Variants in NUP133 observed in about 807,000 individuals in gnomAD.
NUP133 encodes the protein nuclear pore complex protein Nup133.
In NUP133, 66 loss-of-function variants were observed where a neutral mutation model predicts 146.2. That is an observed-to-expected ratio of 0.45 (90% CI 0.37 to 0.55). The LOEUF (loss-of-function observed/expected upper bound fraction) is 0.55, where lower values mean the gene tolerates loss of function less well. Among genes scored for constraint, NUP133 ranks in the 20% least tolerant of loss-of-function variants. The pLI is 0.00. For synonymous variants in NUP133, 521 were observed against 498.8 expected (o/e 1.04, Z -0.59); for missense variants, 1,277 against 1,374.8 (o/e 0.93, Z 1.12).
chr1:229,441,413 A>G lies in NUP133; in HGVS notation c.*491T>C, dbSNP rs1230445466. Reference sequence around the variant, plus strand: ...CCACTCTCCTTTGGTTTTTCATCTCATAATAAGTCAGCAAAAGTTGACATT... The same window carrying G: ...CCACTCTCCTTTGGTTTTTCATCTCGTAATAAGTCAGCAAAAGTTGACATT... On this transcript the variant is annotated 3_prime_UTR_variant, in exon 26 of 26. Transcript: ENST00000261396. 3 of 532,450 alleles carry G rather than the reference A, an allele frequency of 5.6e-6. No homozygotes were observed. In the African/African-American group the frequency reaches 5.8e-5, roughly 10 times the overall value. The allele number at this position is 532,450 out of a possible 1,614,324, so 33.0% of individuals were successfully genotyped here.
At chr1:229,446,725 C>T (rs1660310676) in intron 24 of NUP133, among the ~76,000 whole-genome samples, 1 of 146,732 alleles carries the variant, frequency 6.8e-6, no homozygotes, top group South Asian at 2.2e-4. Flanking sequence ...CACAGCCAGA[C>T]TCCATCTCAA....
rs765777721 is a variant in NUP133 at position 229,477,636 on chromosome 1, G to T, written c.1717C>A (p.Pro573Thr). ...QISVDLMDDY[P>T]ASDPRWAESV... The stretch of plus-strand genomic sequence containing the variant: ...TCAGCCCACCGTGGGTCAGATGCTG[G>T]GTAGTCATCCATCAGGTCTACACTG... Residue 573 changes from proline to threonine, a missense_variant, in exon 13 of 26, where the codon CCA (proline) becomes ACA (threonine). By Grantham distance (38) the Pro-to-Thr change is conservative. Coordinates refer to ENST00000261396, the MANE Select transcript of NUP133 (RefSeq NM_018230.3). 6.2e-7 allele frequency: 1 copy of T among 1,613,634 alleles called. No homozygotes were observed. Among genetic ancestry groups the T allele is most frequent in the Non-Finnish European group, 8.5e-7 (1 of 1,179,746 alleles).
At chr1:229,446,851 G>A (rs960313316) in intron 24 of NUP133, among the ~76,000 whole-genome samples, 1 of 152,134 alleles carries the variant, frequency 6.6e-6, no homozygotes, top group African/African-American at 2.4e-5. Flanking sequence ...ATGTGGCCGG[G>A]CATGGTGGCT....
chr1:229,455,685 T>C (rs541202769), intron 21 of NUP133, among the ~76,000 whole-genome samples: 12 of 152,284 alleles, frequency 7.9e-5, no homozygotes, highest in Non-Finnish European at 1.0e-4. Context: ...CTCTGTCCCT[T>C]TTGCTTTCTC....
At chr1:229,480,914 C>T (rs1483718775) in intron 12 of NUP133, among the ~76,000 whole-genome samples, 6 of 149,354 alleles carry the variant, frequency 4.0e-5, no homozygotes, top group Admixed American at 1.3e-4. Flanking sequence ...AGGCTGGTCT[C>T]GAAGTCCTGA....
chr1:229,475,366 A>C (rs1661051665), intron 14 of NUP133, among the ~76,000 whole-genome samples: 2 of 152,230 alleles, frequency 1.3e-5, no homozygotes, highest in East Asian at 3.8e-4. Flanking sequence ...AGTCATACAT[A>C]AAAATCTGTC....
chr1:229,467,786 G>T (rs565645116), intron 15 of NUP133, among the ~76,000 whole-genome samples: 2 of 151,952 alleles, frequency 1.3e-5, no homozygotes, highest in East Asian at 1.9e-4. Context: ...TTAGCTGGGC[G>T]TCGTGGCGTG....
intron 8 of NUP133, among the ~76,000 whole-genome samples, chr1:229,493,452 T>C (rs950995425): frequency 6.6e-6 from 1 of 152,190 alleles, no homozygotes; most frequent in Non-Finnish European, 1.5e-5. Context: ...AGTGCTGGGA[T>C]TATATGCGTG....
intron 24 of NUP133, among the ~76,000 whole-genome samples, chr1:229,446,371 T>C (rs1214331543): frequency 6.6e-6 from 1 of 151,746 alleles, no homozygotes; most frequent in African/African-American, 2.4e-5. Flanking sequence ...ATTGAGCCAC[T>C]GCACTCCAGC....
At chr1:229,497,512 T>C (rs183386426) in intron 6 of NUP133, among the ~76,000 whole-genome samples, 231 of 152,300 alleles carry the variant, frequency 1.5e-3, no homozygotes, top group African/African-American at 5.0e-3. Flanking sequence ...AAAAAGAGCA[T>C]GTTCTTTAAA....
intron 3 of NUP133, 76 bp from the exon 4 acceptor site, chr1:229,500,939 T>C: frequency 1.2e-6 from 1 of 854,080 alleles, no homozygotes; most frequent in Non-Finnish European, 1.9e-6. Context: ...TTCCCTTCTC[T>C]GCATATTTTA....
At chr1:229,463,033 T>C (rs532032015) in intron 19 of NUP133, among the ~76,000 whole-genome samples, 1 of 152,210 alleles carries the variant, frequency 6.6e-6, no homozygotes, top group African/African-American at 2.4e-5. Context: ...CTAGAAAATA[T>C]ATAAACAGAA....
In NUP133 at chr1:229,441,542, A is replaced by T; in HGVS notation, c.*362T>A. The T allele has an allele frequency of 2.1e-6, 1 of 482,720 alleles. No homozygotes were observed. Among genetic ancestry groups the T allele is most frequent in the Non-Finnish European group, 4.3e-6 (1 of 235,206 alleles). The allele number at this position is 482,720 out of a possible 1,614,324, so 29.9% of individuals were successfully genotyped here. ...TGGAGTCACAGCAATTTTAGAGACA[A>T]GCTAGTGCAATCTAGTAATTTTCAT... On this transcript the variant is annotated 3_prime_UTR_variant, in exon 26 of 26. Transcript: ENST00000261396.
chr1:229,471,988 C>T (rs537587955), intron 14 of NUP133, among the ~76,000 whole-genome samples: 2 of 152,200 alleles, frequency 1.3e-5, no homozygotes, highest in South Asian at 4.1e-4. Flanking sequence ...ATGGTCTTTC[C>T]TGACTTGAAT....
chr1:229,458,355 A>C (rs1166926145), intron 20 of NUP133, 59 bp from the exon 21 acceptor site: 1 of 1,557,064 alleles, frequency 6.4e-7, no homozygotes, highest in East Asian at 2.3e-5. Flanking sequence ...GCTGAAACAA[A>C]GGTAAGTAAA....
chr1:229,452,393 T>C, intron 22 of NUP133, 132 bp downstream of exon 22: 1 of 585,566 alleles, frequency 1.7e-6, no homozygotes, highest in Middle Eastern at 3.2e-4. Context: ...AAACAACGTT[T>C]TTCTAGGGGA....
chr1:229,448,474 C>G (rs1376058090), intron 24 of NUP133, among the ~76,000 whole-genome samples: 1 of 152,066 alleles, frequency 6.6e-6, no homozygotes, highest in African/African-American at 2.4e-5. Context: ...GAGGAACCCT[C>G]AGTTCTGGGA....
chr1:229,503,896 T>G (rs1047598416), intron 2 of NUP133, among the ~76,000 whole-genome samples: 27 of 152,308 alleles, frequency 1.8e-4, no homozygotes, highest in African/African-American at 5.1e-4. Flanking sequence ...TTTAATCTAG[T>G]CTGTTAAAAT....
chr1:229,470,683 G>T lies in NUP133; in HGVS notation c.1973C>A (p.Ser658Tyr), dbSNP rs761735982. 1 of 1,614,186 alleles carries T rather than the reference G, an allele frequency of 6.2e-7. No homozygotes were observed. The highest frequency in any genetic ancestry group is 1.1e-5 in the South Asian group (1 of 91,078). ...TGTGTTGACAAGGTCAGAAAGCCGG[G>T]AGTGGTGGTTCTTGAGAACAATGGC... ...SAAIVLKNHHSRLSDLVNTAI... is the reference protein window; with the variant it reads ...SAAIVLKNHHYRLSDLVNTAI... The change falls in exon 15 of 26, where the codon TCC becomes TAC. Residue 658 changes from serine to tyrosine, a missense_variant. Ser to Tyr is a moderately radical substitution (Grantham distance 144). Around this residue, in one of 3 missense-constraint regions of NUP133, gnomAD observed 952 missense variants for 1,047.0 expected, o/e 0.91. Transcript: ENST00000261396.
Sources: allele counts gnomAD v4.1 joint callset (sites outside exome capture counted in the v4.1 genomes callset), GRCh38; gene constraint gnomAD v4.1.1; regional missense constraint gnomAD v4.1.1; transcripts MANE v1.5; gene names NCBI Gene and HGNC (gene_info 2026-07-23, HGNC 2026-07-21).